Variants in ZNF804B observed in about 807,000 individuals in gnomAD.
ZNF804B encodes the protein zinc finger protein 804B.
ZNF804B carries 80 observed loss-of-function variants against 101.4 expected under a neutral mutation model. The observed-to-expected ratio is 0.79, with a 90% CI of 0.66 to 0.95. ZNF804B has a LOEUF of 0.95. Ranked by LOEUF, ZNF804B falls within the 40% of genes least tolerant of loss-of-function variation. ZNF804B has a pLI of 0.00. For synonymous variants in ZNF804B, 622 were observed against 558.8 expected, an observed-to-expected ratio of 1.11 and a Z score of -1.59; for missense variants, 1,673 against 1,561.9, an observed-to-expected ratio of 1.07 and a Z score of -1.20.
intron 1 of ZNF804B, among the ~76,000 whole-genome samples, chr7:88,881,613 C>G (rs1029096593): frequency 6.6e-6 from 1 of 152,136 alleles, no homozygotes; most frequent in African/African-American, 2.4e-5. Flanking sequence ...GCTACAGATT[C>G]TTTCCTTACA....
intron 1 of ZNF804B, among the ~76,000 whole-genome samples, chr7:88,851,519 C>A (rs951367309): frequency 6.6e-6 from 1 of 152,002 alleles, no homozygotes; most frequent in African/African-American, 2.4e-5. Flanking sequence ...TAGAATTCTT[C>A]ACCTACCAAA....
intron 1 of ZNF804B, among the ~76,000 whole-genome samples, chr7:88,806,805 T>A: frequency 6.6e-6 from 1 of 152,128 alleles, no homozygotes; most frequent in East Asian, 1.9e-4. Flanking sequence ...ATTTAATAAG[T>A]TTCTAGAGGT....
chr7:89,210,931 C>T (rs896344814), intron 1 of ZNF804B, among the ~76,000 whole-genome samples: 1 of 152,220 alleles, frequency 6.6e-6, no homozygotes, highest in African/African-American at 2.4e-5. Context: ...CTGTTTTCCA[C>T]AATGGTTGCT....
intron 1 of ZNF804B, among the ~76,000 whole-genome samples, chr7:89,149,819 C>T (rs1790844492): frequency 6.6e-6 from 1 of 151,252 alleles, no homozygotes; most frequent in Admixed American, 6.7e-5. Flanking sequence ...CCTAAAATTA[C>T]ATGAAGTCAT....
chr7:89,163,890 TCTTC>T (rs952209342), intron 1 of ZNF804B, among the ~76,000 whole-genome samples: 8 of 152,032 alleles, frequency 5.3e-5, no homozygotes, highest in Non-Finnish European at 1.0e-4. Context: ...TTTTCATTTT[TCTTC>T]CTTTGTTTCT....
chr7:88,873,818 C>T (rs568970225), intron 1 of ZNF804B, among the ~76,000 whole-genome samples: 1 of 152,174 alleles, frequency 6.6e-6, no homozygotes, highest in South Asian at 2.1e-4. Flanking sequence ...TGTTCTGTTC[C>T]ATTGATCTAT....
intron 1 of ZNF804B, among the ~76,000 whole-genome samples, chr7:89,041,494 C>G (rs1789016821): frequency 6.6e-6 from 1 of 152,168 alleles, no homozygotes; most frequent in Non-Finnish European, 1.5e-5. Context: ...GAGGGCTGAC[C>G]TGGCACTGGA....
chr7:89,235,043 A>C (rs962134351), intron 2 of ZNF804B, among the ~76,000 whole-genome samples: 1 of 152,178 alleles, frequency 6.6e-6, no homozygotes, highest in African/African-American at 2.4e-5. Flanking sequence ...TGCTTAATCC[A>C]ATAAATACTT....
chr7:89,050,660 G>C (rs1409850252), intron 1 of ZNF804B, among the ~76,000 whole-genome samples: 2 of 151,998 alleles, frequency 1.3e-5, no homozygotes, highest in Non-Finnish European at 2.9e-5. Flanking sequence ...TCATCTACCA[G>C]GGTCTTATTT....
At chr7:88,955,068 T>C (rs1315050609) in intron 1 of ZNF804B, among the ~76,000 whole-genome samples, 1 of 147,668 alleles carries the variant, frequency 6.8e-6, no homozygotes, top group Non-Finnish European at 1.5e-5. Context: ...TAAACCAGCA[T>C]GGGCAATATC....
chr7:89,068,380 T>G (rs1052618522), intron 1 of ZNF804B, among the ~76,000 whole-genome samples: 3 of 152,090 alleles, frequency 2.0e-5, no homozygotes, highest in Admixed American at 6.6e-5. Context: ...TTTTATGAAA[T>G]AGAAACAATG....
At chr7:89,035,988 ATATAT>A (rs1432823625) in intron 1 of ZNF804B, among the ~76,000 whole-genome samples, 1 of 139,730 alleles carries the variant, frequency 7.2e-6, no homozygotes, top group African/African-American at 2.6e-5. Context: ...GTAGTATAGT[ATATAT>A]TATATGATAT....
At chr7:89,142,143 C>G (rs1470545872) in intron 1 of ZNF804B, among the ~76,000 whole-genome samples, 2 of 151,512 alleles carry the variant, frequency 1.3e-5, no homozygotes, top group Non-Finnish European at 2.9e-5. Context: ...AAGTGTATGC[C>G]TAATGATTTC....
rs181453468 is a variant in ZNF804B, at chr7:89,092,683, T to C, written c.109-125472T>C. 1.0e-3 allele frequency among the ~76,000 whole-genome samples: 156 copies of C among 152,252 alleles called. 1 individual carries two copies. The highest frequency in any genetic ancestry group is 3.5e-3 in the African/African-American group (147 of 41,546). On this transcript the variant is annotated intron_variant, in intron 1 of 3. Transcript: ENST00000333190. ...GCCTTGGCCTCCCAAAGTGCGTTGA[T>C]TTATTTTCTTCCTCAAACTGTACCA...
At chr7:89,318,137 C>G (rs946539915) in intron 2 of ZNF804B, among the ~76,000 whole-genome samples, 2 of 152,132 alleles carry the variant, frequency 1.3e-5, no homozygotes, top group African/African-American at 4.8e-5. Flanking sequence ...AACTTAACTT[C>G]TACTGATTAT....
chr7:88,859,315 A>G (rs1791615279), intron 1 of ZNF804B, among the ~76,000 whole-genome samples: 1 of 152,128 alleles, frequency 6.6e-6, no homozygotes. Context: ...TAATGAGTTT[A>G]GCAGAAAAAT....
In ZNF804B at chr7:89,318,777, C is replaced by T. The variant is rs77205087; in HGVS notation, c.250-8567C>T. On this transcript the variant is annotated intron_variant, in intron 2 of 3. Transcript: ENST00000333190. ...ACTCCATTGCTGAGACCAGCTCATT[C>T]GGAGAGACTCTAACCCAGCGGCGCT... 0.041 allele frequency among the ~76,000 whole-genome samples: 6,212 copies of T among 152,044 alleles called. 1,104 individuals are homozygous for T. The East Asian group carries it at 0.58, about 14-fold the overall frequency.
Position 88,820,225 on chromosome 7 carries a change from C to T in ZNF804B, c.108+60141C>T, listed in dbSNP as rs540404801. Among the ~76,000 whole-genome samples the T allele has an allele frequency of 6.6e-5, 10 of 152,140 alleles. 1 individual carries two copies. The highest frequency in any genetic ancestry group is 2.4e-4 in the African/African-American group (10 of 41,518). On this transcript the variant is annotated intron_variant, in intron 1 of 3. Transcript: ENST00000333190. Reference sequence around the variant, plus strand: ...TACAGCCAGCCTGTACTTCATGATACAAAACATTCTACAAAAATATGTTTG... The same window carrying T: ...TACAGCCAGCCTGTACTTCATGATATAAAACATTCTACAAAAATATGTTTG...
intron 1 of ZNF804B, among the ~76,000 whole-genome samples, chr7:88,847,457 T>C (rs969484105): frequency 6.6e-6 from 1 of 152,256 alleles, no homozygotes; most frequent in African/African-American, 2.4e-5. Flanking sequence ...TTAAGCTTAA[T>C]TTTAAAACTG....
Sources: gnomAD v4.1 joint callset for allele counts (sites outside exome capture counted in the v4.1 genomes callset) on GRCh38, gnomAD v4.1.1 for gene constraint, MANE v1.5 for transcripts, NCBI Gene and HGNC (gene_info 2026-07-23, HGNC 2026-07-21) for gene names.